Variants in ESRRB observed in about 807,000 individuals in gnomAD.
ESRRB encodes the protein steroid hormone receptor ERR2.
ESRRB carries 16 observed loss-of-function variants against 46.0 expected under a neutral mutation model. The ratio of observed to expected loss-of-function variants is 0.35; its 90% CI spans 0.24 to 0.53. The LOEUF (loss-of-function observed/expected upper bound fraction) is 0.53. Ranked by LOEUF, ESRRB falls within the 20% of genes least tolerant of loss-of-function variation. ESRRB has a pLI of 0.93. For synonymous variants in ESRRB, 246 were observed against 259.6 expected (o/e 0.95, Z 0.50); for missense variants, 488 against 607.4 (o/e 0.80, Z 2.07).
rs554067472 is a variant in ESRRB, at chr14:76,310,867, G to T, written c.-48G>T. On this transcript the variant is annotated 5_prime_UTR_variant, in exon 1 of 7. Transcript: ENST00000512784. ...AGCAACTGAAAGCACCTGAGGGGCC[G>T]CACATTCCACCCCAGCCCAGTCCTC... is the stretch of plus-strand genomic sequence containing the variant. 3.7e-5 allele frequency: 17 copies of T among 455,064 alleles called. No homozygotes were observed. In the East Asian group the frequency reaches 8.4e-4, roughly 22 times the overall value. 28.2% of individuals were successfully genotyped at this position (455,064 alleles called of 1,614,324 possible).
At chr14:76,395,944 G>A (rs1481284031) in intron 1 of ESRRB, among the ~76,000 whole-genome samples, 1 of 152,046 alleles carries the variant, frequency 6.6e-6, no homozygotes, top group Non-Finnish European at 1.5e-5. Context: ...GGAAGCTGAG[G>A]CAAGTGGACC....
At chr14:76,348,795 C>T (rs896525996) in intron 1 of ESRRB, among the ~76,000 whole-genome samples, 9 of 152,128 alleles carry the variant, frequency 5.9e-5, no homozygotes, top group Non-Finnish European at 1.2e-4. Context: ...GGGGACACTG[C>T]GCATAGTTAC....
intron 1 of ESRRB, among the ~76,000 whole-genome samples, chr14:76,365,582 C>T (rs548067357): frequency 6.6e-6 from 1 of 152,246 alleles, no homozygotes; most frequent in South Asian, 2.1e-4. Context: ...TGTGCCTAAG[C>T]GAGCTTGAAC....
chr14:76,381,669 C>T (rs1286679764), intron 1 of ESRRB, among the ~76,000 whole-genome samples: 7 of 152,112 alleles, frequency 4.6e-5, no homozygotes, highest in African/African-American at 9.7e-5. Flanking sequence ...CTGGGCTCAG[C>T]GGGCAGTAGC....
Position 76,500,365 on chromosome 14 carries a change from G to A in ESRRB, c.*1907G>A. 2 of 584,502 alleles carry A rather than the reference G, an allele frequency of 3.4e-6. No homozygotes were observed. Among genetic ancestry groups the A allele is most frequent in the Non-Finnish European group, 6.1e-6 (2 of 328,938 alleles). The allele number at this position is 584,502 out of a possible 1,614,324, so 36.2% of individuals were successfully genotyped here. A position where few individuals can be genotyped will look rare whatever the true frequency, so the allele number is the denominator to read the frequency against. On this transcript the variant is annotated 3_prime_UTR_variant, in exon 7 of 7. Coordinates refer to ENST00000644823, the MANE Select transcript of ESRRB (RefSeq NM_001379180.1). ...CACTGGAGCCGTTACCCAGGATGCT[G>A]CGGCCCTAGCCCTCCATGCAGCCCA...
At chr14:76,442,670 A>G (rs1423032023) in intron 2 of ESRRB, among the ~76,000 whole-genome samples, 2 of 152,156 alleles carry the variant, frequency 1.3e-5, no homozygotes, top group African/African-American at 2.4e-5. Flanking sequence ...ACATATTATT[A>G]TGAAAACAAC....
At chr14:76,324,026 G>A (rs563847530) in intron 1 of ESRRB, among the ~76,000 whole-genome samples, 2 of 152,300 alleles carry the variant, frequency 1.3e-5, no homozygotes, top group South Asian at 2.1e-4. Context: ...TGAGAGGTAG[G>A]GGAGGAGACT....
intron 1 of ESRRB, among the ~76,000 whole-genome samples, chr14:76,414,998 G>A (rs573327970): frequency 2.0e-4 from 31 of 152,322 alleles, no homozygotes; most frequent in Admixed American, 5.2e-4. Flanking sequence ...AGTGCCCCCA[G>A]CCTTGGTTTG....
At chr14:76,370,164 G>GAGA (rs1884586471), upstream of ESRRB, among the ~76,000 whole-genome samples, 1 of 151,584 alleles carries the variant, frequency 6.6e-6, no homozygotes, top group African/African-American at 2.4e-5. Flanking sequence ...GCTAAGGATG[G>GAGA]ATTACCTGAG....
chr14:76,414,701 A>G (rs2139871954), intron 1 of ESRRB, among the ~76,000 whole-genome samples: 1 of 143,892 alleles, frequency 6.9e-6, no homozygotes, highest in Non-Finnish European at 1.5e-5. Context: ...AAACTATTCT[A>G]GATTTAATTG....
At chr14:76,449,917 G>A (rs1888316082) in intron 2 of ESRRB, among the ~76,000 whole-genome samples, 2 of 151,834 alleles carry the variant, frequency 1.3e-5, no homozygotes, top group Non-Finnish European at 2.9e-5. Flanking sequence ...CACCATGCCC[G>A]GCTAATTTAT....
intron 1 of ESRRB, among the ~76,000 whole-genome samples, chr14:76,325,666 T>C (rs1883920939): frequency 6.6e-6 from 1 of 152,136 alleles, no homozygotes; most frequent in Non-Finnish European, 1.5e-5. Flanking sequence ...GCTGCAGACC[T>C]AGGCAATGGC....
intron 1 of ESRRB, among the ~76,000 whole-genome samples, chr14:76,419,869 A>AG (rs202135868): frequency 0.01 from 1,573 of 152,176 alleles, 14 homozygotes; most frequent in Non-Finnish European, 0.015. Context: ...TGCCCGGCAG[A>AG]GGGGGCAGGC....
upstream of ESRRB, among the ~76,000 whole-genome samples, chr14:76,374,270 G>A (rs1884692594): frequency 6.6e-6 from 1 of 152,214 alleles, no homozygotes; most frequent in African/African-American, 2.4e-5. Flanking sequence ...AGGGAAGGGT[G>A]GAGGAGGGAA....
At chr14:76,447,217 G>GT (rs1888184053) in intron 2 of ESRRB, among the ~76,000 whole-genome samples, 1 of 150,228 alleles carries the variant, frequency 6.7e-6, no homozygotes, top group Non-Finnish European at 1.5e-5. Context: ...CCTCTCCTTT[G>GT]TCTTCCCTTG....
At chr14:76,415,601 A>G (rs1429339242) in intron 1 of ESRRB, among the ~76,000 whole-genome samples, 1 of 152,220 alleles carries the variant, frequency 6.6e-6, no homozygotes, top group Non-Finnish European at 1.5e-5. Context: ...TGGAGTTTAC[A>G]GTGAGCTGAG....
At chr14:76,483,965 G>A (rs1595164351) in intron 5 of ESRRB, among the ~76,000 whole-genome samples, 1 of 152,042 alleles carries the variant, frequency 6.6e-6, no homozygotes, top group African/African-American at 2.4e-5. Flanking sequence ...GTGATTCTCG[G>A]GCCTCAGCCT....
chr14:76,491,380 G>T, intron 5 of ESRRB, 67 bp from the exon 6 acceptor site: 3 of 1,547,816 alleles, frequency 1.9e-6, no homozygotes, highest in Non-Finnish European at 8.8e-7. Flanking sequence ...CCCCCAGCGA[G>T]CCCCAGGGAG....
At position 76,445,482 on chromosome 14, in the gene ESRRB, A is replaced by AAAAAG. The variant is rs1555398182; in HGVS notation, c.460+5735_460+5736insAGAAA. 7.3e-3 allele frequency among the ~76,000 whole-genome samples: 875 copies of AAAAAG among 119,912 alleles called. 6 individuals carry two copies. The highest frequency in any genetic ancestry group is 0.036 in the African/African-American group (831 of 22,980). 78.7% of individuals were successfully genotyped at this position (119,912 alleles called of 152,430 possible). ...ACTCCGTCTCAAAAAAAAAAAAAAA[A>AAAAAG]AAAGAAAGAAAGAAAGAAAGAAAAG... On this transcript the variant is annotated intron_variant, in intron 2 of 6. Coordinates refer to ENST00000644823, the MANE Select transcript of ESRRB (RefSeq NM_001379180.1).
Sources: gnomAD v4.1 joint callset for allele counts (sites outside exome capture counted in the v4.1 genomes callset) on GRCh38, gnomAD v4.1.1 for gene constraint, MANE v1.5 for transcripts, NCBI Gene and HGNC (gene_info 2026-07-23, HGNC 2026-07-21) for gene names.